The following FAH variants were observed in gnomAD, a reference collection of about 807,000 sequenced individuals.
FAH encodes the protein fumarylacetoacetate hydrolase, also known as fumarylacetoacetase.
A neutral mutation model predicts 55.8 loss-of-function variants in FAH; 47 were observed. The ratio of observed to expected loss-of-function variants is 0.84; its 90% CI spans 0.67 to 1.07. The LOEUF (loss-of-function observed/expected upper bound fraction) is 1.07. FAH is among the 50% of genes least tolerant of loss of function. The probability of loss-of-function intolerance (pLI) is 0.00; values close to 1 mark genes in which losing one functional copy is unlikely to be tolerated. For synonymous variants in FAH, 199 were observed against 207.7 expected (o/e 0.96, Z 0.36); for missense variants, 495 against 545.9 (o/e 0.91, Z 0.93).
At position 80,186,281 on chromosome 15, in the gene FAH, G is replaced by C; in HGVS notation, c.*72G>C. ...AACCCTGTGACTGGGGTCCTCCCTC[G>C]GGCTGTAGGCCTGGTCCGCCATTCA... On this transcript the variant is annotated 3_prime_UTR_variant, in exon 14 of 14. Transcript: ENST00000561421. The C allele has an allele frequency of 8.0e-7, 1 of 1,257,750 alleles. No individual in the cohort carries two copies. The highest frequency in any genetic ancestry group is 1.2e-5 in the South Asian group (1 of 83,786). 77.9% of individuals were successfully genotyped at this position (1,257,750 alleles called of 1,614,324 possible).
chr15:80,168,379 G>T, intron 7 of FAH, 63 bp downstream of exon 7: 1 of 1,566,978 alleles, frequency 6.4e-7, no homozygotes, highest in Non-Finnish European at 8.7e-7. Flanking sequence ...GAGCCCTTTG[G>T]GATGGCTCCC....
At chr15:80,159,612 A>C in intron 2 of FAH, 144 bp from the exon 3 acceptor site, 4 of 982,804 alleles carry the variant, frequency 4.1e-6, no homozygotes, top group Non-Finnish European at 6.5e-6. Flanking sequence ...ATAAATGACA[A>C]AACTAAGAGC....
At position 80,181,057 on chromosome 15, in the gene FAH, G is replaced by T; in HGVS notation, c.1078G>T (p.Gly360Cys). ...TGTGATGAAGGAGCCAGAAAACTTC[G>T]GCTCCATGTTGGAACTGTCGTGGAA... is the stretch of plus-strand genomic sequence containing the variant. ...TISGPEPENF[G>C]SMLELSWKGT... Residue 360 changes from glycine (G) to cysteine (C), a missense_variant, in exon 13 of 14, where the codon GGC becomes TGC. Transcript: ENST00000561421. 1 of 1,613,364 alleles carries T rather than the reference G, an allele frequency of 6.2e-7. No individual in the cohort carries two copies. Among genetic ancestry groups the T allele is most frequent in the South Asian group, 1.1e-5 (1 of 91,010 alleles).
At chr15:80,173,387 A>C in intron 9 of FAH, 2 of 602,176 alleles carry the variant, frequency 3.3e-6, no homozygotes, top group East Asian at 5.8e-5. Flanking sequence ...AGAATTTTGT[A>C]ACCTTAAGAA....
intron 2 of FAH, among the ~76,000 whole-genome samples, chr15:80,159,187 G>A (rs896189581): frequency 1.3e-5 from 2 of 151,694 alleles, no homozygotes; most frequent in East Asian, 1.9e-4. Context: ...GCAGTGAGCC[G>A]AGATCACATC....
At position 80,153,085 on chromosome 15, in the gene FAH, G is replaced by T; in HGVS notation, c.31G>T (p.Asp11Tyr). The T allele has an allele frequency of 6.2e-7, 1 of 1,613,820 alleles. No homozygotes were observed. Among genetic ancestry groups the T allele is most frequent in the African/African-American group, 1.3e-5 (1 of 75,018 alleles). ...CTTCATCCCGGTGGCCGAGGATTCC[G>T]ACTTCCCCATCCACAACCTGCCCTA... is the stretch of plus-strand genomic sequence containing the variant. The part of the protein sequence containing the change: MSFIPVAEDS[D>Y]FPIHNLPYGV... The change falls in exon 1 of 14, where the codon GAC becomes TAC. Residue 11 changes from aspartate to tyrosine, a missense_variant. Physicochemically the swap from Asp to Tyr is radical, Grantham distance 160 (BLOSUM62 -3). Transcript: ENST00000561421.
At chr15:80,184,231 T>G (rs1381192815) in intron 13 of FAH, among the ~76,000 whole-genome samples, 4 of 152,226 alleles carry the variant, frequency 2.6e-5, no homozygotes, top group Non-Finnish European at 5.9e-5. Flanking sequence ...TTGATAGTTA[T>G]GATTTGTTGT....
chr15:80,175,425 C>T (rs2041274396), intron 10 of FAH, among the ~76,000 whole-genome samples: 1 of 152,150 alleles, frequency 6.6e-6, no homozygotes, highest in Admixed American at 6.5e-5. Context: ...CGCCACTGAC[C>T]CTCACTTCCG....
chr15:80,185,223 A>C (rs1361876727), intron 13 of FAH, among the ~76,000 whole-genome samples: 1 of 152,214 alleles, frequency 6.6e-6, no homozygotes, highest in Non-Finnish European at 1.5e-5. Context: ...CCAGCTCATA[A>C]TGGTTGTAAT....
At position 80,184,312 on chromosome 15, in the gene FAH, C is replaced by T. The variant is rs566945472; in HGVS notation, c.1181-1818C>T. On this transcript the variant is annotated intron_variant, in intron 13 of 13. Transcript: ENST00000561421. Reference sequence around the variant, plus strand: ...CAAAAGTCTTTCGTTTCTTGCCCTGCGTCTCTCAGTGGTGGCGTCTTTCAC... The same window carrying T: ...CAAAAGTCTTTCGTTTCTTGCCCTGTGTCTCTCAGTGGTGGCGTCTTTCAC... Among the ~76,000 whole-genome samples the T allele has an allele frequency of 6.6e-5, 10 of 152,108 alleles. No homozygotes were observed. In the East Asian group the frequency reaches 1.7e-3, roughly 26 times the overall value.
At position 80,168,327 on chromosome 15, in the gene FAH, T is replaced by C. The variant is rs200885347; in HGVS notation, c.606+11T>C. 3.7e-6 allele frequency: 6 copies of C among 1,612,014 alleles called. No homozygotes were observed. In the East Asian group the frequency reaches 6.7e-5, roughly 18 times the overall value. On this transcript the variant is annotated intron_variant, in intron 7 of 13. Transcript: ENST00000561421. ...ATGGAGCTGGAAATGGTAAGTGAGC[T>C]TGATGTTTTATTGCCATGGGATCTA...
chr15:80,157,480 G>C (rs1332179619), intron 1 of FAH: 2 of 165,642 alleles, frequency 1.2e-5, no homozygotes, highest in African/African-American at 4.8e-5. Context: ...GTTGATGCTG[G>C]GATTTTGTGG....
intron 10 of FAH, chr15:80,177,268 G>T: frequency 2.0e-6 from 1 of 493,728 alleles, no homozygotes; most frequent in Non-Finnish European, 3.7e-6. Context: ...AGGATTCTGA[G>T]GCTACATATG....
chr15:80,159,642 G>T, intron 2 of FAH, 114 bp from the exon 3 acceptor site: 9 of 1,218,810 alleles, frequency 7.4e-6, no homozygotes, highest in Non-Finnish European at 1.1e-5. Context: ...GAGAGTTTGA[G>T]TTAGCGGGAG....
chr15:80,172,474 A>G (rs1413372295), intron 8 of FAH, among the ~76,000 whole-genome samples: 1 of 152,172 alleles, frequency 6.6e-6, no homozygotes, highest in Non-Finnish European at 1.5e-5. Context: ...CACGGCTGAC[A>G]TCATAACTAA....
rs745345724 is a variant in FAH at position 80,162,273 on chromosome 15, G to A, written c.392G>A (p.Arg131Gln). The A allele has an allele frequency of 1.4e-5, 22 of 1,614,074 alleles. No homozygotes were observed. Among genetic ancestry groups the A allele is most frequent in the East Asian group, 4.5e-5 (2 of 44,890 alleles). ...IGDYTDFYSS[R>Q]QHATNVGIMF... ...GACTACACAGACTTCTATTCCTCTC[G>A]GCAGCATGCTACCAACGTCGGAATC... is the stretch of plus-strand genomic sequence containing the variant. Residue 131 changes from arginine (R) to glutamine (Q), a missense_variant, in exon 5 of 14, where the codon CGG becomes CAG. Physicochemically the swap from Arg to Gln is conservative, Grantham distance 43. Coordinates refer to ENST00000561421, the MANE Select transcript of FAH (RefSeq NM_000137.4).
chr15:80,181,073 TGTC>T lies in FAH; in HGVS notation c.1097_1099del (p.Ser366del), dbSNP rs1342338851. ...GAAAACTTCGGCTCCATGTTGGAAC[TGTC>T]GTGGAAGGGAACGAAGCCCATAGAC... is the stretch of plus-strand genomic sequence containing the variant. On this transcript the variant is annotated inframe_deletion, in exon 13 of 14. Transcript: ENST00000561421. 18 of 1,613,794 alleles carry T rather than the reference TGTC, an allele frequency of 1.1e-5. No individual in the cohort carries two copies. The highest frequency in any genetic ancestry group is 1.5e-5 in the Non-Finnish European group (18 of 1,179,850).
At chr15:80,181,790 A>G (rs1402536433) in intron 13 of FAH, among the ~76,000 whole-genome samples, 1 of 152,044 alleles carries the variant, frequency 6.6e-6, no homozygotes, top group Non-Finnish European at 1.5e-5. Flanking sequence ...CTCTCATCCA[A>G]TCTGGAGTGC....
At position 80,159,819 on chromosome 15, in the gene FAH, C is replaced by A. The variant is rs762783017; in HGVS notation, c.256C>A (p.Gln86Lys). ...AAWKEARVFL[Q>K]NLLSVSQARL... ...CTGGAAGGAGGCGAGAGTGTTCTTGCAGAACTTGCTGTCTGTGAGCCAAGC... is the reference window on the plus strand; with the variant it reads ...CTGGAAGGAGGCGAGAGTGTTCTTGAAGAACTTGCTGTCTGTGAGCCAAGC... Residue 86 changes from glutamine to lysine, a missense_variant, in exon 3 of 14, where the codon CAG (glutamine) becomes AAG (lysine). Transcript: ENST00000561421. 6.2e-7 allele frequency: 1 copy of A among 1,614,216 alleles called. No homozygotes were observed. Among genetic ancestry groups the A allele is most frequent in the South Asian group, 1.1e-5 (1 of 91,084 alleles).
Sources: allele counts gnomAD v4.1 joint callset (sites outside exome capture counted in the v4.1 genomes callset), GRCh38; gene constraint gnomAD v4.1.1; transcripts MANE v1.5; gene names NCBI Gene and HGNC (gene_info 2026-07-23, HGNC 2026-07-21).